Variants in NPAS3 observed in about 807,000 individuals in gnomAD.
The protein encoded by NPAS3 is neuronal PAS domain-containing protein 3.
A neutral mutation model predicts 73.1 loss-of-function variants in NPAS3; 14 were observed. The observed-to-expected ratio is 0.19, with a 90% confidence interval of 0.13 to 0.30. The LOEUF (loss-of-function observed/expected upper bound fraction) is 0.30. Among genes scored for constraint, NPAS3 ranks in the 10% least tolerant of loss-of-function variants. NPAS3 has a pLI of 1.00. For synonymous variants in NPAS3, 620 were observed against 541.5 expected, an observed-to-expected ratio of 1.14 and a Z score of -2.01; for missense variants, 1,096 against 1,250.0, an observed-to-expected ratio of 0.88 and a Z score of 1.86.
intron 2 of NPAS3, among the ~76,000 whole-genome samples, chr14:33,133,471 A>G (rs1266193824): frequency 2.0e-5 from 3 of 152,192 alleles, no homozygotes; most frequent in African/African-American, 7.2e-5. Flanking sequence ...TAAGTGTGTA[A>G]GAAGGCATTG....
intron 5 of NPAS3, among the ~76,000 whole-genome samples, chr14:33,629,033 C>T (rs1288752260): frequency 6.6e-6 from 1 of 151,950 alleles, no homozygotes; most frequent in African/African-American, 2.4e-5. Context: ...AGATCGAGAC[C>T]ATCCTGGCTA....
chr14:32,944,273 T>C (rs1034940897), intron 1 of NPAS3, among the ~76,000 whole-genome samples: 2 of 152,218 alleles, frequency 1.3e-5, no homozygotes, highest in Non-Finnish European at 2.9e-5. Flanking sequence ...TTCTAATTGA[T>C]TTTTTAAAGT....
chr14:33,079,782 T>C (rs1354679616), intron 2 of NPAS3, among the ~76,000 whole-genome samples: 1 of 151,582 alleles, frequency 6.6e-6, no homozygotes, highest in African/African-American at 2.4e-5. Flanking sequence ...TAGCTAATTT[T>C]TGTATTTTTA....
At chr14:33,307,613 T>TGTGTGTGTGTGTGTA (rs763634896) in intron 3 of NPAS3, among the ~76,000 whole-genome samples, 1 of 44,136 alleles carries the variant, frequency 2.3e-5, no homozygotes, top group African/African-American at 7.5e-5. Flanking sequence ...GTGTGTGTGT[T>TGTGTGTGTGTGTGTA]CGTGTGCGTG....
At chr14:33,606,147 G>A (rs1360950689) in intron 5 of NPAS3, among the ~76,000 whole-genome samples, 1 of 151,518 alleles carries the variant, frequency 6.6e-6, no homozygotes, top group Non-Finnish European at 1.5e-5. Flanking sequence ...ACGTATACAT[G>A]TGCCATGCTG....
chr14:33,607,530 CG>C (rs1173783651), intron 5 of NPAS3, among the ~76,000 whole-genome samples: 1 of 151,906 alleles, frequency 6.6e-6, no homozygotes, highest in African/African-American at 2.4e-5. Context: ...GAGAGAGATG[CG>C]GTCTTAGAAA....
intron 3 of NPAS3, among the ~76,000 whole-genome samples, chr14:33,286,116 A>C (rs2041863993): frequency 6.6e-6 from 1 of 152,126 alleles, no homozygotes; most frequent in African/African-American, 2.4e-5. Flanking sequence ...ATGTGCCTGA[A>C]ATACAATCAA....
intron 4 of NPAS3, among the ~76,000 whole-genome samples, chr14:33,539,078 C>T (rs1480607410): frequency 6.6e-6 from 1 of 151,888 alleles, no homozygotes; most frequent in Non-Finnish European, 1.5e-5. Context: ...CAATGAAGCT[C>T]GTTGACTCTC....
At chr14:33,351,041 A>G (rs576239671) in intron 3 of NPAS3, among the ~76,000 whole-genome samples, 2 of 152,330 alleles carry the variant, frequency 1.3e-5, no homozygotes, top group South Asian at 2.1e-4. Context: ...AATAGACTCT[A>G]TACAAGCTTG....
At chr14:33,720,123 C>T (rs2061066071) in intron 6 of NPAS3, among the ~76,000 whole-genome samples, 1 of 152,112 alleles carries the variant, frequency 6.6e-6, no homozygotes, top group Admixed American at 6.6e-5. Flanking sequence ...GTAAGTTCAT[C>T]GAAAACTTTC....
intron 2 of NPAS3, among the ~76,000 whole-genome samples, chr14:33,112,118 T>C (rs529603981): frequency 3.1e-4 from 47 of 152,244 alleles, no homozygotes; most frequent in Middle Eastern, 3.4e-3. Context: ...TGAATAGTGC[T>C]GCAATAAACA....
rs71419941 is a variant in NPAS3, at chr14:33,147,760, C to A, written c.141-67422C>A. ...ATATATATATATATATATATACACA[C>A]AAAAAAGTTTGGATTAAAAAAAGTA... On this transcript the variant is annotated intron_variant, in intron 2 of 11. Transcript: ENST00000356141. 2.9e-3 allele frequency among the ~76,000 whole-genome samples: 337 copies of A among 117,490 alleles called. 2 individuals are homozygous for A. The highest frequency in any genetic ancestry group is 6.0e-3 in the East Asian group (27 of 4,520). 77.1% of individuals were successfully genotyped at this position (117,490 alleles called of 152,430 possible).
intron 7 of NPAS3, among the ~76,000 whole-genome samples, chr14:33,748,890 C>T (rs2061880117): frequency 6.6e-6 from 1 of 152,182 alleles, no homozygotes; most frequent in Admixed American, 6.5e-5. Flanking sequence ...GAATTAAAGT[C>T]TGCCCAGAAG....
At chr14:33,284,786 ATC>A (rs2041802021) in intron 3 of NPAS3, among the ~76,000 whole-genome samples, 1 of 136,596 alleles carries the variant, frequency 7.3e-6, no homozygotes, top group Admixed American at 7.0e-5. Flanking sequence ...CTATCTATCT[ATC>A]TATCTATCTA....
At chr14:33,710,176 C>T (rs1210084097) in intron 6 of NPAS3, among the ~76,000 whole-genome samples, 1 of 152,192 alleles carries the variant, frequency 6.6e-6, no homozygotes, top group African/African-American at 2.4e-5. Flanking sequence ...AACTTTCAGA[C>T]TTTGGTGGCA....
intron 1 of NPAS3, among the ~76,000 whole-genome samples, chr14:33,012,547 C>T (rs2039243109): frequency 6.6e-6 from 1 of 151,246 alleles, no homozygotes; most frequent in Non-Finnish European, 1.5e-5. Flanking sequence ...GCCTCAAAGT[C>T]ATATCTTTTT....
At chr14:33,583,712 G>A (rs1164390971) in intron 5 of NPAS3, among the ~76,000 whole-genome samples, 2 of 152,174 alleles carry the variant, frequency 1.3e-5, no homozygotes, top group African/African-American at 2.4e-5. Context: ...AGAGACTATA[G>A]ACATATGTAG....
At chr14:33,593,863 T>C (rs2057152448) in intron 5 of NPAS3, among the ~76,000 whole-genome samples, 1 of 152,172 alleles carries the variant, frequency 6.6e-6, no homozygotes, top group Non-Finnish European at 1.5e-5. Flanking sequence ...AGATGCTTCC[T>C]AGCAGGTTGG....
intron 11 of NPAS3, 57 bp downstream of exon 11, chr14:33,797,638 G>T (rs1475257108): frequency 5.8e-5 from 92 of 1,581,196 alleles, no homozygotes; most frequent in Non-Finnish European, 7.2e-5. Context: ...CGCGCAGGGG[G>T]TGGGCAACAG....
Sources: gnomAD v4.1 joint callset for allele counts (sites outside exome capture counted in the v4.1 genomes callset) on GRCh38, gnomAD v4.1.1 for gene constraint, MANE v1.5 for transcripts, NCBI Gene and HGNC (gene_info 2026-07-23, HGNC 2026-07-21) for gene names.